RANBP2: variants seen among roughly 807,000 people sequenced by gnomAD.
The protein encoded by RANBP2 is E3 SUMO-protein ligase RanBP2.
Under a neutral mutation model 303.6 loss-of-function variants are expected in RANBP2, and 57 were observed. The ratio of observed to expected loss-of-function variants is 0.19; its 90% CI spans 0.15 to 0.23. RANBP2 has a LOEUF of 0.23. Among genes scored for constraint, RANBP2 ranks in the 10% least tolerant of loss-of-function variants. The pLI is 1.00. For missense variants in RANBP2, 3,138 were observed against 3,780.8 expected (o/e 0.83, Z 4.46); for synonymous variants, 1,167 against 1,301.5 (o/e 0.90, Z 2.23).
chr2:109,325,315 C>A, the RANBP2 span, among the ~76,000 whole-genome samples: 2 of 109,314 alleles, frequency 1.8e-5, no homozygotes, highest in South Asian at 3.3e-4. Flanking sequence ...CATTTAATTT[C>A]TTTCTTTCTT....
the RANBP2 span, among the ~76,000 whole-genome samples, chr2:109,584,301 A>C: frequency 6.6e-6 from 1 of 151,624 alleles, no homozygotes. Context: ...ACAAGGTGAA[A>C]CCCGTCTCTA....
chr2:108,911,053 G>T, the RANBP2 span: 2 of 1,614,208 alleles, frequency 1.2e-6, no homozygotes, highest in African/African-American at 2.7e-5. Context: ...CAGTGGCCAG[G>T]TGTCCTTGGC....
chr2:109,078,939 C>CTG, the RANBP2 span, among the ~76,000 whole-genome samples: 3 of 151,936 alleles, frequency 2.0e-5, no homozygotes, highest in Admixed American at 2.0e-4. Flanking sequence ...TGCAGTGAGC[C>CTG]GAGATCGCAC....
the RANBP2 span, among the ~76,000 whole-genome samples, chr2:109,070,536 CT>C: frequency 6.6e-6 from 1 of 151,958 alleles, no homozygotes; most frequent in Non-Finnish European, 1.5e-5. Flanking sequence ...AGTTCTCAGT[CT>C]GGTAGTTCAC....
At chr2:108,848,654 A>G in the RANBP2 span, among the ~76,000 whole-genome samples, 3 of 152,242 alleles carry the variant, frequency 2.0e-5, no homozygotes, top group African/African-American at 7.2e-5. Context: ...AGGGAAATTT[A>G]TGTGGAAAAA....
the RANBP2 span, among the ~76,000 whole-genome samples, chr2:108,794,082 A>C: frequency 6.6e-6 from 1 of 152,208 alleles, no homozygotes. Flanking sequence ...AAATTATGTT[A>C]ATATAATTAC....
the RANBP2 span, among the ~76,000 whole-genome samples, chr2:109,574,277 A>C: frequency 6.7e-6 from 1 of 149,074 alleles, no homozygotes; most frequent in African/African-American, 2.5e-5. Flanking sequence ...CAACTCCACA[A>C]AAAAAAAAAA....
chr2:109,411,851 C>T, the RANBP2 span, among the ~76,000 whole-genome samples: 1 of 152,228 alleles, frequency 6.6e-6, no homozygotes, highest in African/African-American at 2.4e-5. Flanking sequence ...TAATAGCTTA[C>T]TGTTAAATCC....
chr2:109,629,326 TATATATATATATATATATATATATA>T, the RANBP2 span, among the ~76,000 whole-genome samples: 24 of 7,546 alleles, frequency 3.2e-3, no homozygotes, highest in Non-Finnish European at 6.2e-3. Context: ...TATATATATA[TATATATATATATATATATATATATA>T]TATATTTTTT....
chr2:108,854,469 G>A, the RANBP2 span, among the ~76,000 whole-genome samples: 1 of 151,996 alleles, frequency 6.6e-6, no homozygotes, highest in African/African-American at 2.4e-5. Context: ...AGCAAGTCTG[G>A]CATAAAGTCT....
the RANBP2 span, chr2:109,585,609 T>C: frequency 9.5e-6 from 8 of 840,316 alleles, no homozygotes; most frequent in East Asian, 2.5e-5. Context: ...AGAGAATCCC[T>C]GGGATCATGA....
the RANBP2 span, among the ~76,000 whole-genome samples, chr2:108,974,493 A>G: frequency 6.6e-6 from 1 of 151,960 alleles, no homozygotes; most frequent in Non-Finnish European, 1.5e-5. Context: ...GCACTTTGGG[A>G]GGCCAAGGGG....
chr2:108,957,459 A>G, the RANBP2 span, among the ~76,000 whole-genome samples: 3 of 152,228 alleles, frequency 2.0e-5, no homozygotes, highest in Admixed American at 1.3e-4. Flanking sequence ...AGAGGGCTAT[A>G]AATCAAGTGG....
At chr2:109,492,030 G>C in the RANBP2 span, among the ~76,000 whole-genome samples, 1 of 151,984 alleles carries the variant, frequency 6.6e-6, no homozygotes, top group African/African-American at 2.4e-5. Flanking sequence ...TTCGTCAAGG[G>C]CCAGATGGTA....
At position 108,781,333 on chromosome 2, in the gene RANBP2, G is replaced by C. The variant is rs774994440; in HGVS notation, c.8664G>C (p.Gln2888His). 3 of 1,614,180 alleles carry C rather than the reference G, an allele frequency of 1.9e-6. No homozygotes were observed. In the East Asian group the frequency reaches 6.7e-5, roughly 36 times the overall value. ...TTGGAACACAGTCAGTCGGAACCCA[G>C]TCAGCCGGTAAAGTTGGTGAAGATG... ...AVFGTQSVGT[Q>H]SAGKVGEDED... Residue 2888 changes from glutamine to histidine, a missense_variant, in exon 26 of 29, where the codon CAG becomes CAC. This residue lies in a region of RANBP2 where 497 missense variants were observed against 465.8 expected (regional missense o/e 1.07). Transcript: ENST00000283195.
chr2:109,076,956 G>C, the RANBP2 span, among the ~76,000 whole-genome samples: 2 of 150,454 alleles, frequency 1.3e-5, no homozygotes, highest in Admixed American at 6.6e-5. Flanking sequence ...GAAAGAAGAA[G>C]AAAGTTAGAG....
At chr2:108,853,412 A>G in the RANBP2 span, among the ~76,000 whole-genome samples, 4 of 152,168 alleles carry the variant, frequency 2.6e-5, no homozygotes, top group South Asian at 2.1e-4. Flanking sequence ...ACAGAAATCT[A>G]TGTGTATTTT....
chr2:109,546,030 A>T, the RANBP2 span: 1 of 1,548,732 alleles, frequency 6.5e-7, no homozygotes, highest in African/African-American at 1.4e-5. Context: ...GCTGCCAGGG[A>T]GGGTGGCTGG....
the RANBP2 span, among the ~76,000 whole-genome samples, chr2:109,204,310 G>A: frequency 1.3e-5 from 2 of 152,142 alleles, no homozygotes; most frequent in Non-Finnish European, 2.9e-5. Flanking sequence ...CAGAATAAGG[G>A]CACTCTTCTG....
Sources: gnomAD v4.1 joint callset for allele counts (sites outside exome capture counted in the v4.1 genomes callset) on GRCh38, gnomAD v4.1.1 for gene constraint, gnomAD v4.1.1 regional missense constraint, MANE v1.5 for transcripts, NCBI Gene and HGNC (gene_info 2026-07-23, HGNC 2026-07-21) for gene names.